GULP1: variants seen among roughly 807,000 people sequenced by gnomAD.
GULP1 encodes GULP PTB domain containing engulfment adaptor 1, also known as PTB domain-containing engulfment adapter protein 1.
In GULP1, 19 loss-of-function variants were observed where a neutral mutation model predicts 40.9. That is an observed-to-expected ratio of 0.46 (90% CI 0.32 to 0.68). The LOEUF (loss-of-function observed/expected upper bound fraction) is 0.68, where lower values mean the gene tolerates loss of function less well. Among genes scored for constraint, GULP1 ranks in the 30% least tolerant of loss-of-function variants. The pLI, the probability that GULP1 is intolerant of heterozygous loss-of-function variation, is 0.03. For synonymous variants in GULP1, 119 were observed against 117.6 expected (o/e 1.01, Z -0.08); for missense variants, 312 against 362.2 (o/e 0.86, Z 1.12).
chr2:188,423,730 CAG>C (rs1320611897), intron 2 of GULP1, among the ~76,000 whole-genome samples: 1 of 151,602 alleles, frequency 6.6e-6, no homozygotes, highest in Non-Finnish European at 1.5e-5. Context: ...GATGAGGTAA[CAG>C]AAATATAAAT....
chr2:188,338,894 T>A (rs886754217), intron 1 of GULP1, among the ~76,000 whole-genome samples: 1 of 152,212 alleles, frequency 6.6e-6, no homozygotes. Flanking sequence ...GTGTGGAAGT[T>A]CTGAATCTTC....
chr2:188,595,470 GTTTCT>G lies in GULP1; in HGVS notation c.*1463_*1467del, dbSNP rs1242882141. Reference sequence around the variant, plus strand: ...TGGTATATATGAGCCTTCTTGTTTAGTTTCTTTTATCTGCTAAGTTGTACCTTAAT... The same window carrying G: ...TGGTATATATGAGCCTTCTTGTTTAGTTTATCTGCTAAGTTGTACCTTAAT... On this transcript the variant is annotated 3_prime_UTR_variant, in exon 12 of 12. Transcript: ENST00000409830. 1 of 151,912 alleles carries G rather than the reference GTTTCT, an allele frequency of 6.6e-6. No individual in the cohort carries two copies. The highest frequency in any genetic ancestry group is 1.5e-5 in the Non-Finnish European group (1 of 67,662). The allele number at this position is 151,912 out of a possible 1,614,324, so 9.4% of individuals were successfully genotyped here.
intron 2 of GULP1, among the ~76,000 whole-genome samples, chr2:188,415,249 G>A (rs1174602028): frequency 6.6e-6 from 1 of 152,032 alleles, no homozygotes; most frequent in Non-Finnish European, 1.5e-5. Flanking sequence ...ACAATTTGGG[G>A]ACTTAGAAAA....
chr2:188,593,776 C>A, intron 11 of GULP1, 164 bp from the exon 12 acceptor site: 1 of 563,266 alleles, frequency 1.8e-6, no homozygotes, highest in Non-Finnish European at 3.3e-6. Context: ...ACTACCAGTG[C>A]TATACACCTA....
intron 2 of GULP1, among the ~76,000 whole-genome samples, chr2:188,452,767 CCA>C (rs1235532346): frequency 6.6e-6 from 1 of 152,060 alleles, no homozygotes; most frequent in African/African-American, 2.4e-5. Flanking sequence ...TCTGTTTCTC[CCA>C]CAGTCTCTAA....
intron 2 of GULP1, among the ~76,000 whole-genome samples, chr2:188,403,014 C>T (rs2052530732): frequency 6.6e-6 from 1 of 152,126 alleles, no homozygotes; most frequent in Non-Finnish European, 1.5e-5. Flanking sequence ...TTATTCATTA[C>T]ATGCTACTGC....
At chr2:188,307,721 C>A (rs894649944) in intron 1 of GULP1, among the ~76,000 whole-genome samples, 1 of 152,172 alleles carries the variant, frequency 6.6e-6, no homozygotes, top group African/African-American at 2.4e-5. Flanking sequence ...TCATGTGCCA[C>A]ACACTGGTTT....
chr2:188,378,838 T>C (rs1466573632), intron 1 of GULP1, among the ~76,000 whole-genome samples: 2 of 152,186 alleles, frequency 1.3e-5, no homozygotes, highest in Non-Finnish European at 1.5e-5. Flanking sequence ...ACATGAGGTT[T>C]GGAGGGTGAA....
intron 1 of GULP1, among the ~76,000 whole-genome samples, chr2:188,310,176 A>G (rs982491021): frequency 6.6e-6 from 1 of 152,228 alleles, no homozygotes; most frequent in Non-Finnish European, 1.5e-5. Context: ...CTGAGGAACC[A>G]TTCAAGGTTT....
chr2:188,505,500 A>G (rs2063815431), intron 4 of GULP1, among the ~76,000 whole-genome samples: 2 of 151,866 alleles, frequency 1.3e-5, no homozygotes, highest in Admixed American at 6.6e-5. Context: ...GAATGTACAT[A>G]TTATAATATA....
intron 7 of GULP1, chr2:188,541,735 T>G (rs1252991736): frequency 4.0e-6 from 1 of 250,300 alleles, no homozygotes; most frequent in Non-Finnish European, 7.5e-6. Context: ...ATAAATATTC[T>G]TAACTCCAGG....
chr2:188,313,706 G>C (rs927012385), intron 1 of GULP1, among the ~76,000 whole-genome samples: 1 of 152,170 alleles, frequency 6.6e-6, no homozygotes, highest in African/African-American at 2.4e-5. Flanking sequence ...ACTTTGGGCA[G>C]TATGGCCATT....
chr2:188,443,340 T>C (rs1222081260), intron 2 of GULP1, among the ~76,000 whole-genome samples: 1 of 152,150 alleles, frequency 6.6e-6, no homozygotes. Flanking sequence ...TTTACATGTT[T>C]ATTTTACCTC....
chr2:188,308,643 G>C lies in GULP1; in HGVS notation c.-172+16477G>C, dbSNP rs530422072. Among the ~76,000 whole-genome samples the C allele has an allele frequency of 5.3e-5, 8 of 152,266 alleles. No homozygotes were observed. In the East Asian group the frequency reaches 1.4e-3, roughly 26 times the overall value. On this transcript the variant is annotated intron_variant, in intron 1 of 11. Coordinates refer to ENST00000409830, the MANE Select transcript of GULP1 (RefSeq NM_016315.4). ...TCCGTAAGATGTTATAGAATGCCAA[G>C]ATGAGTTATTAAAGACTTACTGAGG...
intron 2 of GULP1, among the ~76,000 whole-genome samples, chr2:188,424,460 T>C (rs1012518865): frequency 1.3e-5 from 2 of 151,938 alleles, no homozygotes; most frequent in Non-Finnish European, 2.9e-5. Flanking sequence ...TTACTCCCAA[T>C]ATTATTTTGA....
At chr2:188,304,174 T>G (rs1443332232) in intron 1 of GULP1, among the ~76,000 whole-genome samples, 1 of 152,124 alleles carries the variant, frequency 6.6e-6, no homozygotes, top group Non-Finnish European at 1.5e-5. Flanking sequence ...AGGGAAAGGA[T>G]GTATATCTAG....
intron 1 of GULP1, among the ~76,000 whole-genome samples, chr2:188,358,168 G>A (rs571858028): frequency 2.0e-5 from 3 of 152,116 alleles, no homozygotes; most frequent in East Asian, 1.9e-4. Context: ...GTGACAGAGC[G>A]AGACTCCATC....
chr2:188,582,429 G>C (rs1559404428), intron 9 of GULP1: 1 of 471,628 alleles, frequency 2.1e-6, no homozygotes, highest in Non-Finnish European at 4.4e-6. Context: ...TCATCTCCCT[G>C]TCTCAATATT....
chr2:188,495,634 T>C (rs1001131870), intron 4 of GULP1, among the ~76,000 whole-genome samples: 31 of 152,148 alleles, frequency 2.0e-4, no homozygotes, highest in African/African-American at 7.2e-4. Flanking sequence ...AAGTGGACAC[T>C]ACAACTTAAT....
Sources: gnomAD v4.1 joint callset for allele counts (sites outside exome capture counted in the v4.1 genomes callset) on GRCh38, gnomAD v4.1.1 for gene constraint, MANE v1.5 for transcripts, NCBI Gene and HGNC (gene_info 2026-07-23, HGNC 2026-07-21) for gene names.